Variants in SYT16 observed in about 807,000 individuals in gnomAD.
SYT16 encodes synaptotagmin 16.
A neutral mutation model predicts 61.4 loss-of-function variants in SYT16; 42 were observed. The ratio of observed to expected loss-of-function variants is 0.68; its 90% CI spans 0.53 to 0.89. The LOEUF (loss-of-function observed/expected upper bound fraction) is 0.89. SYT16 is among the 40% of genes least tolerant of loss of function. The pLI is 0.00. For synonymous variants in SYT16, 314 were observed against 302.3 expected, an observed-to-expected ratio of 1.04 and a Z score of -0.40; for missense variants, 804 against 807.3, an observed-to-expected ratio of 1.00 and a Z score of 0.05.
At chr14:62,077,624 G>A (rs1371420033) in intron 5 of SYT16, 1 of 152,266 alleles carries the variant, frequency 6.6e-6, no homozygotes, top group Non-Finnish European at 1.5e-5. Context: ...AGGTCAGATG[G>A]ATTAGTGGTA....
At chr14:62,034,228 T>C (rs1054221088) in intron 3 of SYT16, among the ~76,000 whole-genome samples, 1 of 152,072 alleles carries the variant, frequency 6.6e-6, no homozygotes, top group African/African-American at 2.4e-5. Context: ...TGTGGAAAAA[T>C]TGGAACCTTA....
chr14:62,020,332 T>C (rs910003750), intron 3 of SYT16, among the ~76,000 whole-genome samples: 3 of 152,162 alleles, frequency 2.0e-5, no homozygotes, highest in South Asian at 4.1e-4. Flanking sequence ...ATATATCTTG[T>C]ATAATATAAT....
intron 1 of SYT16, among the ~76,000 whole-genome samples, chr14:61,860,610 T>C (rs1174044394): frequency 6.6e-6 from 1 of 152,214 alleles, no homozygotes; most frequent in African/African-American, 2.4e-5. Flanking sequence ...TTAAAAAGTA[T>C]TGGTCTATAA....
chr14:62,094,832 G>A (rs926593593), intron 7 of SYT16, among the ~76,000 whole-genome samples: 1 of 151,980 alleles, frequency 6.6e-6, no homozygotes, highest in Non-Finnish European at 1.5e-5. Flanking sequence ...TGAACTGTTT[G>A]CACACAGGAC....
At chr14:62,049,123 A>G (rs56201351) in intron 3 of SYT16, among the ~76,000 whole-genome samples, 10,377 of 152,172 alleles carry the variant, frequency 0.068, 956 homozygotes, top group African/African-American at 0.21. Context: ...GTCTCTTTTT[A>G]TGTCACTAAG....
chr14:61,864,771 G>T (rs1402429127), intron 1 of SYT16: 3 of 943,900 alleles, frequency 3.2e-6, no homozygotes. Context: ...GTGGCTGGCC[G>T]GTTGGGCCCT....
At chr14:62,066,964 A>T (rs955607335) in intron 3 of SYT16, among the ~76,000 whole-genome samples, 4 of 152,218 alleles carry the variant, frequency 2.6e-5, no homozygotes, top group African/African-American at 9.6e-5. Context: ...TAACCTGCTG[A>T]ACCTGCTGTA....
chr14:61,988,685 C>G (rs552724804), intron 2 of SYT16, among the ~76,000 whole-genome samples: 3 of 152,224 alleles, frequency 2.0e-5, no homozygotes, highest in African/African-American at 4.8e-5. Context: ...CTTTATTACA[C>G]TTATTTTCAA....
chr14:61,935,965 G>T (rs779916221), intron 1 of SYT16, among the ~76,000 whole-genome samples: 4 of 152,108 alleles, frequency 2.6e-5, no homozygotes, highest in Non-Finnish European at 4.4e-5. Context: ...AAATGTTTTA[G>T]CTCTGAGAAA....
At chr14:61,905,773 TTTG>T (rs367652930) in intron 1 of SYT16, among the ~76,000 whole-genome samples, 91,973 of 134,856 alleles carry the variant, frequency 0.68, 31,740 homozygotes, top group East Asian at 0.87. Flanking sequence ...TTTTTTTTTT[TTTG>T]GGGATAAATC....
chr14:61,896,845 C>T lies in SYT16; in HGVS notation c.-324-73287C>T, dbSNP rs544819712. On this transcript the variant is annotated intron_variant, in intron 1 of 7. Coordinates refer to ENST00000683842, the MANE Select transcript of SYT16 (RefSeq NM_001367656.1). The stretch of plus-strand genomic sequence containing the variant: ...ATATGTAAACTCTAGCCCCCTCCTC[C>T]CATATCAAAAACTCAAAAAGAAATG... 3.9e-5 allele frequency among the ~76,000 whole-genome samples: 6 copies of T among 152,218 alleles called. No homozygotes were observed. In the South Asian group the frequency reaches 1.2e-3, roughly 32 times the overall value.
intron 1 of SYT16, among the ~76,000 whole-genome samples, chr14:61,928,844 G>C (rs1020683823): frequency 2.0e-5 from 3 of 152,118 alleles, no homozygotes; most frequent in African/African-American, 7.2e-5. Flanking sequence ...ATGAGGATAA[G>C]TACATAAATA....
chr14:62,082,774 T>C (rs2140978615), intron 6 of SYT16, among the ~76,000 whole-genome samples: 1 of 152,358 alleles, frequency 6.6e-6, no homozygotes, highest in East Asian at 1.9e-4. Context: ...TATTTATGCT[T>C]GCTAGGCCCT....
At chr14:61,829,344 T>C (rs190776826) in intron 1 of SYT16, among the ~76,000 whole-genome samples, 2 of 152,230 alleles carry the variant, frequency 1.3e-5, no homozygotes, top group Non-Finnish European at 2.9e-5. Context: ...TTTTTTATTA[T>C]CTTAAATTTT....
chr14:62,008,770 T>C (rs1160267471), intron 3 of SYT16, among the ~76,000 whole-genome samples: 3 of 152,102 alleles, frequency 2.0e-5, no homozygotes, highest in Admixed American at 6.6e-5. Flanking sequence ...CTCAATGTTA[T>C]GTTTTTGAGT....
intron 3 of SYT16, among the ~76,000 whole-genome samples, chr14:62,056,032 A>G: frequency 6.6e-6 from 1 of 151,014 alleles, no homozygotes; most frequent in South Asian, 2.1e-4. Context: ...CAGCCAGTCT[A>G]CTTTTTCCAC....
At position 62,062,914 on chromosome 14, in the gene SYT16, T is replaced by G. The variant is rs150219356; in HGVS notation, c.524-6689T>G. 2.6e-3 allele frequency among the ~76,000 whole-genome samples: 399 copies of G among 152,312 alleles called. 4 individuals carry two copies. The highest frequency in any genetic ancestry group is 9.0e-3 in the African/African-American group (373 of 41,558). On this transcript the variant is annotated intron_variant, in intron 3 of 7. Transcript: ENST00000683842. ...TGCTCCTATGTGGGTGGGAAGGAAT[T>G]AATAGGCTTGGAGCTACTCTGATCA...
In SYT16 at chr14:62,064,435, T is replaced by C. The variant is rs536911494; in HGVS notation, c.524-5168T>C. On this transcript the variant is annotated intron_variant, in intron 3 of 7. Transcript: ENST00000683842. ...AACATGGTAGACTTTAGATTGGTGC[T>C]TGTTTGGTGCGATGGTGGGCAAATC... 3.3e-5 allele frequency among the ~76,000 whole-genome samples: 5 copies of C among 151,874 alleles called. No homozygotes were observed. The East Asian group carries it at 9.7e-4, about 29-fold the overall frequency.
At chr14:61,851,769 C>G (rs1337535331) in intron 1 of SYT16, among the ~76,000 whole-genome samples, 1 of 152,010 alleles carries the variant, frequency 6.6e-6, no homozygotes, top group Non-Finnish European at 1.5e-5. Flanking sequence ...TGCTTTTTTT[C>G]TTGCAAATTT....
Sources: gnomAD v4.1 joint callset for allele counts (sites outside exome capture counted in the v4.1 genomes callset) on GRCh38, gnomAD v4.1.1 for gene constraint, MANE v1.5 for transcripts, NCBI Gene and HGNC (gene_info 2026-07-23, HGNC 2026-07-21) for gene names.